CDC14B: variants seen among roughly 807,000 people sequenced by gnomAD.
The protein encoded by CDC14B is cell division cycle 14B.
Under a neutral mutation model 64.2 loss-of-function variants are expected in CDC14B, and 22 were observed. The ratio of observed to expected loss-of-function variants is 0.34; its 90% confidence interval spans 0.24 to 0.49. The LOEUF (loss-of-function observed/expected upper bound fraction) is 0.49. Ranked by LOEUF, CDC14B falls within the 20% of genes least tolerant of loss-of-function variation. CDC14B has a pLI of 0.99. For synonymous variants in CDC14B, 191 were observed against 215.8 expected (o/e 0.89, Z 1.01); for missense variants, 498 against 629.9 (o/e 0.79, Z 2.24).
intron 7 of CDC14B, among the ~76,000 whole-genome samples, chr9:96,536,506 G>C (rs1054390986): frequency 5.3e-5 from 8 of 152,188 alleles, no homozygotes; most frequent in African/African-American, 1.9e-4. Flanking sequence ...AATGTACGTT[G>C]TACTTTAGAA....
At chr9:96,548,648 C>G (rs1446462046) in intron 5 of CDC14B, among the ~76,000 whole-genome samples, 1 of 152,044 alleles carries the variant, frequency 6.6e-6, no homozygotes, top group Non-Finnish European at 1.5e-5. Flanking sequence ...GAAACCCCAT[C>G]TCTACTAAAA....
At chr9:96,546,654 T>C (rs1349117061) in intron 5 of CDC14B, among the ~76,000 whole-genome samples, 1 of 152,042 alleles carries the variant, frequency 6.6e-6, no homozygotes, top group Non-Finnish European at 1.5e-5. Flanking sequence ...TTTACCACGT[T>C]GGCCAGGCTC....
intron 5 of CDC14B, 34 bp from the exon 6 acceptor site, chr9:96,541,926 T>G: frequency 6.7e-7 from 1 of 1,494,804 alleles, no homozygotes; most frequent in East Asian, 2.3e-5. Context: ...GTAGATCAGT[T>G]AATTTTCTGC....
chr9:96,505,116 G>A (rs1833940997), intron 13 of CDC14B, among the ~76,000 whole-genome samples: 1 of 151,908 alleles, frequency 6.6e-6, no homozygotes, highest in Non-Finnish European at 1.5e-5. Flanking sequence ...GGGAGGTGGA[G>A]GTTGTAGTGA....
intron 1 of CDC14B, among the ~76,000 whole-genome samples, chr9:96,607,413 C>CTTTTTT (rs999912549): frequency 4.5e-5 from 3 of 66,350 alleles, no homozygotes; most frequent in Non-Finnish European, 8.8e-5. Flanking sequence ...AACGTGATGT[C>CTTTTTT]TTTTTTTTTT....
intron 12 of CDC14B, among the ~76,000 whole-genome samples, chr9:96,518,256 C>A (rs1836053621): frequency 6.6e-6 from 1 of 152,158 alleles, no homozygotes; most frequent in Admixed American, 6.5e-5. Flanking sequence ...GTGGCTCACG[C>A]CTGTAATCCC....
At chr9:96,557,455 T>C (rs1043114432) in intron 4 of CDC14B, among the ~76,000 whole-genome samples, 1 of 152,230 alleles carries the variant, frequency 6.6e-6, no homozygotes, top group African/African-American at 2.4e-5. Context: ...CTCTGTTCCC[T>C]TGTCTTAACT....
At chr9:96,616,857 G>C (rs184608522) in intron 1 of CDC14B, among the ~76,000 whole-genome samples, 13 of 152,288 alleles carry the variant, frequency 8.5e-5, no homozygotes. Context: ...ACTTGCTGAG[G>C]ACAGGCCTCA....
intron 5 of CDC14B, among the ~76,000 whole-genome samples, chr9:96,545,997 T>C (rs1840767071): frequency 6.6e-6 from 1 of 152,220 alleles, no homozygotes. Context: ...GAGGGATCCT[T>C]GTCACCAAGA....
chr9:96,563,579 G>T (rs1050087032), intron 3 of CDC14B, among the ~76,000 whole-genome samples: 1 of 151,742 alleles, frequency 6.6e-6, no homozygotes, highest in East Asian at 1.9e-4. Flanking sequence ...GAACCAGGGG[G>T]GTGGAGGTTA....
intron 4 of CDC14B, among the ~76,000 whole-genome samples, chr9:96,553,993 G>A (rs575594235): frequency 3.9e-5 from 6 of 151,916 alleles, no homozygotes; most frequent in East Asian, 1.9e-4. Flanking sequence ...GTGAAACCCC[G>A]TCTCTACTAA....
At chr9:96,567,457 A>T (rs1046307110) in intron 1 of CDC14B, among the ~76,000 whole-genome samples, 7 of 152,256 alleles carry the variant, frequency 4.6e-5, no homozygotes, top group Admixed American at 3.3e-4. Flanking sequence ...GCCGGGTCTT[A>T]TGGGAAACGG....
intron 1 of CDC14B, among the ~76,000 whole-genome samples, chr9:96,600,597 A>C (rs980640607): frequency 2.6e-5 from 4 of 151,704 alleles, no homozygotes; most frequent in Non-Finnish European, 5.9e-5. Context: ...CCACCTCCTG[A>C]GTTCGAGCGA....
intron 3 of CDC14B, among the ~76,000 whole-genome samples, chr9:96,563,425 G>T (rs1203594010): frequency 1.3e-5 from 2 of 152,190 alleles, no homozygotes; most frequent in Admixed American, 1.3e-4. Flanking sequence ...GGCTGAGGCG[G>T]ATGGATCACA....
intron 1 of CDC14B, among the ~76,000 whole-genome samples, chr9:96,589,101 C>A (rs984893933): frequency 2.0e-5 from 3 of 152,054 alleles, no homozygotes; most frequent in African/African-American, 7.2e-5. Flanking sequence ...TTTGGGAGGC[C>A]GAGGCAGGTA....
chr9:96,615,660 G>A (rs941788822), intron 1 of CDC14B, among the ~76,000 whole-genome samples: 2 of 152,206 alleles, frequency 1.3e-5, no homozygotes, highest in Admixed American at 6.5e-5. Flanking sequence ...CGCTGGCGGC[G>A]TAGCCATTCG....
intron 12 of CDC14B, among the ~76,000 whole-genome samples, chr9:96,511,429 A>C (rs1264671208): frequency 6.6e-6 from 1 of 152,102 alleles, no homozygotes; most frequent in Non-Finnish European, 1.5e-5. Context: ...AAATTAGCCG[A>C]GTGTGGTGGC....
At position 96,586,207 on chromosome 9, in the gene CDC14B, C is replaced by T. The variant is rs551356867; in HGVS notation, c.161-20724G>A. On this transcript the variant is annotated intron_variant, in intron 1 of 13. Transcript: ENST00000375241. ...GGGGAGGGAAGGCCACCCAAAAACT[C>T]TTAACTGATACAGATCCATGAAAAG... Among the ~76,000 whole-genome samples, 4 of 152,176 alleles carry T rather than the reference C, an allele frequency of 2.6e-5. No individual in the cohort carries two copies. The South Asian group carries it at 6.2e-4, about 24-fold the overall frequency.
At position 96,571,130 on chromosome 9, in the gene CDC14B, T is replaced by C. The variant is rs150754112; in HGVS notation, c.161-5647A>G. On this transcript the variant is annotated intron_variant, in intron 1 of 13. Transcript: ENST00000375241. ...ACATATTTATAAAACACAGATGAAA[T>C]GATTTTGAAAAAGCTGTCAGACAAC... is the stretch of plus-strand genomic sequence containing the variant. Among the ~76,000 whole-genome samples, 12 of 151,904 alleles carry C rather than the reference T, an allele frequency of 7.9e-5. No individual in the cohort carries two copies. In the East Asian group the frequency reaches 1.7e-3, roughly 22 times the overall value.
Sources: gnomAD v4.1 joint callset for allele counts (sites outside exome capture counted in the v4.1 genomes callset) on GRCh38, gnomAD v4.1.1 for gene constraint, MANE v1.5 for transcripts, NCBI Gene and HGNC (gene_info 2026-07-23, HGNC 2026-07-21) for gene names.